ABCB7: variants seen among roughly 807,000 people sequenced by gnomAD.
The protein encoded by ABCB7 is iron-sulfur clusters transporter ABCB7, mitochondrial.
In ABCB7, 7 loss-of-function variants were observed where a neutral mutation model predicts 54.4. The ratio of observed to expected loss-of-function variants is 0.13; its 90% confidence interval spans 0.07 to 0.24. The LOEUF is 0.24. Ranked by LOEUF, ABCB7 falls within the 10% of genes least tolerant of loss-of-function variation. The pLI is 1.00. For missense variants in ABCB7, 356 were observed against 570.4 expected (o/e 0.62, Z 3.83); for synonymous variants, 218 against 207.1 (o/e 1.05, Z -0.45).
At position 75,080,821 on chromosome X, in the gene ABCB7, T is replaced by C. The variant is rs1172406320; in HGVS notation, c.454-4167A>G. On this transcript the variant is annotated intron_variant, in intron 4 of 15. Coordinates refer to ENST00000373394, the MANE Select transcript of ABCB7 (RefSeq NM_001271696.3). Reference sequence around the variant, plus strand: ...TTCATGTCTTTTATGCATTTTATAATTGGATTGTTTGTTTTTCTGCTGTTG... The same window carrying C: ...TTCATGTCTTTTATGCATTTTATAACTGGATTGTTTGTTTTTCTGCTGTTG... 2.7e-5 allele frequency among the ~76,000 whole-genome samples: 3 copies of C among 112,184 alleles called. No individual in the cohort carries two copies. The Admixed American group carries it at 2.8e-4, about 11-fold the overall frequency.
chrX:75,116,189 A>G (rs754762651), intron 1 of ABCB7, among the ~76,000 whole-genome samples: 1 of 111,183 alleles, frequency 9.0e-6, no homozygotes, highest in African/African-American at 3.3e-5. Context: ...CTTCATCTAC[A>G]TGAGAAGAAC....
intron 8 of ABCB7, 29 bp from the exon 9 acceptor site, chrX:75,071,712 C>T (rs995626687): frequency 3.0e-6 from 3 of 991,495 alleles, no homozygotes; most frequent in African/African-American, 3.9e-5. Flanking sequence ...TAACTATAGG[C>T]AAGTATAATT....
Position 75,104,047 on chromosome X carries a change from G to GTTTTTTTGTTTTTTTTTTTTTTTTT in ABCB7, c.334-4987_334-4986insAAAAAAAAAAAAAAAAACAAAAAAA, listed in dbSNP as rs2081663659. On this transcript the variant is annotated intron_variant, in intron 3 of 15. Coordinates refer to ENST00000373394, the MANE Select transcript of ABCB7 (RefSeq NM_001271696.3). ...AAATGGGCATCCCTGTCTTGTTACA[G>GTTTTTTTGTTTTTTTTTTTTTTTTT]TTTTTTTTTTTTTTTTTTTTTTTTT... 9.7e-4 allele frequency among the ~76,000 whole-genome samples: 13 copies of GTTTTTTTGTTTTTTTTTTTTTTTTT among 13,446 alleles called. 2 individuals carry two copies. The highest frequency in any genetic ancestry group is 7.2e-3 in the East Asian group (1 of 139). 11.7% of individuals were successfully genotyped at this position (13,446 alleles called of 115,157 possible).
intron 1 of ABCB7, among the ~76,000 whole-genome samples, chrX:75,138,054 T>TACACACACAAA (rs2082024294): frequency 8.9e-6 from 1 of 112,128 alleles, no homozygotes; most frequent in Admixed American, 9.4e-5. Context: ...AAACATCTTC[T>TACACACACAAA]AAATGTTTGC....
At chrX:75,114,144 AG>A (rs1185434174) in intron 2 of ABCB7, among the ~76,000 whole-genome samples, 4 of 112,496 alleles carry the variant, frequency 3.6e-5, no homozygotes, top group African/African-American at 1.3e-4. Context: ...TGCATAAATT[AG>A]AACAATGCTT....
chrX:75,075,231 A>G, intron 6 of ABCB7, 131 bp downstream of exon 6: 1 of 715,561 alleles, frequency 1.4e-6, no homozygotes, highest in Non-Finnish European at 2.1e-6. Flanking sequence ...ATTAAACTGC[A>G]TAATATTTCT....
At chrX:75,072,855 C>G (rs958658148) in intron 8 of ABCB7, among the ~76,000 whole-genome samples, 3 of 111,607 alleles carry the variant, frequency 2.7e-5, no homozygotes, top group Admixed American at 9.5e-5. Flanking sequence ...TGGCTTAAAA[C>G]ACACATTGTA....
At chrX:75,114,957 T>C in intron 1 of ABCB7, 126 bp from the exon 2 acceptor site, 1 of 562,027 alleles carries the variant, frequency 1.8e-6, no homozygotes, top group Non-Finnish European at 2.7e-6. Context: ...ATGATTATGC[T>C]TTTAACGTAT....
chrX:75,141,468 A>G (rs1389102813), intron 1 of ABCB7, among the ~76,000 whole-genome samples: 1 of 110,659 alleles, frequency 9.0e-6, no homozygotes, highest in African/African-American at 3.3e-5. Flanking sequence ...ACTGCTTTTT[A>G]CACTGAATAT....
chrX:75,153,279 C>T (rs891939337), intron 1 of ABCB7, among the ~76,000 whole-genome samples: 2 of 110,831 alleles, frequency 1.8e-5, no homozygotes, highest in Non-Finnish European at 3.8e-5. Flanking sequence ...CGAGGTTTCA[C>T]CATGTTAGCC....
chrX:75,138,155 A>G (rs2082025308), intron 1 of ABCB7, among the ~76,000 whole-genome samples: 1 of 111,525 alleles, frequency 9.0e-6, no homozygotes, highest in Non-Finnish European at 1.9e-5. Context: ...ATCCACCAGT[A>G]TAACTAAAAT....
intron 4 of ABCB7, among the ~76,000 whole-genome samples, chrX:75,087,203 T>C (rs768435177): frequency 2.7e-5 from 3 of 111,823 alleles, no homozygotes; most frequent in Non-Finnish European, 5.6e-5. Flanking sequence ...TTCACTTTGC[T>C]GTCAGCTCAC....
At chrX:75,153,507 A>G (rs2147588990) in intron 1 of ABCB7, among the ~76,000 whole-genome samples, 1 of 108,741 alleles carries the variant, frequency 9.2e-6, no homozygotes, top group South Asian at 4.0e-4. Context: ...ATTTTTATCT[A>G]CTCTGCTAAC....
At chrX:75,138,367 C>CA (rs2082029073) in intron 1 of ABCB7, among the ~76,000 whole-genome samples, 1 of 112,016 alleles carries the variant, frequency 8.9e-6, no homozygotes, top group Admixed American at 9.4e-5. Context: ...CACACACATA[C>CA]AAAATCAAGC....
chrX:75,104,575 A>C (rs151024506), intron 3 of ABCB7, among the ~76,000 whole-genome samples: 2,061 of 111,045 alleles, frequency 0.019, 50 homozygotes, highest in African/African-American at 0.064. Context: ...AAACAAACCC[A>C]AAAACCCCAG....
intron 1 of ABCB7, among the ~76,000 whole-genome samples, chrX:75,154,471 A>G (rs1262495489): frequency 1.8e-5 from 2 of 112,223 alleles, no homozygotes; most frequent in Non-Finnish European, 3.8e-5. Context: ...ATCATGTGTT[A>G]GAAACTTTCA....
At chrX:75,077,048 T>G (rs1268873491) in intron 4 of ABCB7, among the ~76,000 whole-genome samples, 1 of 112,013 alleles carries the variant, frequency 8.9e-6, no homozygotes, top group Non-Finnish European at 1.9e-5. Flanking sequence ...TCCTTGAGGG[T>G]CTGTGTCATT....
At chrX:75,076,761 C>T (rs1256745470) in intron 4 of ABCB7, 107 bp from the exon 5 acceptor site, 3 of 899,193 alleles carry the variant, frequency 3.3e-6, no homozygotes, top group Non-Finnish European at 4.6e-6. Context: ...ACATATTTAC[C>T]ACTTACTGGT....
chrX:75,101,249 C>G (rs2081637171), intron 3 of ABCB7, among the ~76,000 whole-genome samples: 1 of 108,674 alleles, frequency 9.2e-6, no homozygotes, highest in Admixed American at 9.8e-5. Flanking sequence ...AAGCAAGGAA[C>G]GGGGGGAAAT....
Sources: gnomAD v4.1 joint callset for allele counts (sites outside exome capture counted in the v4.1 genomes callset) on GRCh38, gnomAD v4.1.1 for gene constraint, MANE v1.5 for transcripts, NCBI Gene and HGNC (gene_info 2026-07-23, HGNC 2026-07-21) for gene names.